MYO5B: variants seen among roughly 807,000 people sequenced by gnomAD.
The protein encoded by MYO5B is myosin VB.
MYO5B carries 143 observed loss-of-function variants against 229.3 expected under a neutral mutation model. The ratio of observed to expected loss-of-function variants is 0.62; its 90% confidence interval spans 0.54 to 0.72. The LOEUF is 0.72. Among genes scored for constraint, MYO5B ranks in the 30% least tolerant of loss-of-function variants. MYO5B has a pLI of 0.00. For missense variants in MYO5B, 2,321 were observed against 2,331.0 expected, an observed-to-expected ratio of 1.00 and a Z score of 0.09; for synonymous variants, 918 against 885.2, an observed-to-expected ratio of 1.04 and a Z score of -0.66.
intron 1 of MYO5B, among the ~76,000 whole-genome samples, chr18:50,055,793 G>C (rs1297804298): frequency 2.0e-5 from 3 of 152,194 alleles, no homozygotes; most frequent in Admixed American, 2.0e-4. Flanking sequence ...CAAAGCTTGG[G>C]AATCTCTGCT....
chr18:49,962,839 C>G, intron 11 of MYO5B, 110 bp downstream of exon 11: 1 of 931,726 alleles, frequency 1.1e-6, no homozygotes, highest in Non-Finnish European at 1.8e-6. Context: ...CAAGGGATAT[C>G]AGAACGTAGC....
At chr18:49,850,596 TCAGTGACCTAA>T (rs1022989761) in intron 31 of MYO5B, 1 of 152,200 alleles carries the variant, frequency 6.6e-6, no homozygotes, top group African/African-American at 2.4e-5. Context: ...AAAACCTTAT[TCAGTGACCTAA>T]GAGTGGCCTC....
At chr18:49,865,917 C>G (rs646199) in intron 27 of MYO5B, among the ~76,000 whole-genome samples, 5 of 151,904 alleles carry the variant, frequency 3.3e-5, no homozygotes, top group South Asian at 2.1e-4. Context: ...CCATACCTCA[C>G]TGGTCCCCCA....
At chr18:49,920,609 T>C (rs1424754060) in intron 17 of MYO5B, among the ~76,000 whole-genome samples, 1 of 152,082 alleles carries the variant, frequency 6.6e-6, no homozygotes, top group Non-Finnish European at 1.5e-5. Flanking sequence ...TGGCTCCGAG[T>C]TGGAGCTGAG....
rs546111548 is a variant in MYO5B at position 50,135,708 on chromosome 18, G to A, written c.27+59059C>T. Among the ~76,000 whole-genome samples the A allele has an allele frequency of 3.5e-3, 538 of 152,272 alleles. 1 individual carries two copies. The highest frequency in any genetic ancestry group is 6.6e-3 in the Non-Finnish European group (452 of 68,034). The stretch of plus-strand genomic sequence containing the variant: ...TAAAGACAATTGAGATTCCATGCAC[G>A]CTGTCTTACTATTGTAAAAGCAGGT... On this transcript the variant is annotated intron_variant, in intron 1 of 39. Transcript: ENST00000285039.
rs181832611 is a variant in MYO5B, at chr18:50,064,571, T to G, written c.28-9193A>C. Reference sequence around the variant, plus strand: ...AGTTTTCCAGAGCATACCACCTTCATTTTCAAAGCTCACTGACATAATCCA... The same window carrying G: ...AGTTTTCCAGAGCATACCACCTTCAGTTTCAAAGCTCACTGACATAATCCA... On this transcript the variant is annotated intron_variant, in intron 1 of 39. Coordinates refer to ENST00000285039, the MANE Select transcript of MYO5B (RefSeq NM_001080467.3). 2.2e-3 allele frequency: 332 copies of G among 152,334 alleles called. 1 individual carries two copies. Among genetic ancestry groups the G allele is most frequent in the African/African-American group, 7.6e-3 (316 of 41,584 alleles). 9.4% of individuals were successfully genotyped at this position (152,334 alleles called of 1,614,324 possible).
intron 1 of MYO5B, among the ~76,000 whole-genome samples, chr18:50,120,267 G>A (rs1000749478): frequency 6.6e-6 from 1 of 152,232 alleles, no homozygotes; most frequent in Admixed American, 6.5e-5. Flanking sequence ...TGTAAATGTG[G>A]AAGACTCAAG....
intron 10 of MYO5B, among the ~76,000 whole-genome samples, chr18:49,971,904 A>G (rs1460586102): frequency 6.6e-6 from 1 of 152,216 alleles, no homozygotes; most frequent in Non-Finnish European, 1.5e-5. Context: ...CTTTATAACA[A>G]AAAAAGTGAA....
At chr18:49,908,151 GA>G (rs368513415) in intron 18 of MYO5B, among the ~76,000 whole-genome samples, 2 of 151,690 alleles carry the variant, frequency 1.3e-5, no homozygotes, top group African/African-American at 2.4e-5. Context: ...CCCTATTTCG[GA>G]AAAAAAACAG....
intron 1 of MYO5B, among the ~76,000 whole-genome samples, chr18:50,136,999 C>G (rs965603100): frequency 6.6e-6 from 1 of 152,216 alleles, no homozygotes; most frequent in African/African-American, 2.4e-5. Context: ...AGATTAAACA[C>G]TTTACAAGGT....
At chr18:49,878,003 T>A in intron 24 of MYO5B, 121 bp from the exon 25 acceptor site, 1 of 1,226,054 alleles carries the variant, frequency 8.2e-7, no homozygotes, top group East Asian at 2.4e-5. Context: ...ATAGGTATCA[T>A]TGCTTCTTGG....
chr18:49,847,108 A>C, intron 33 of MYO5B, 38 bp downstream of exon 33: 1 of 1,612,048 alleles, frequency 6.2e-7, no homozygotes, highest in South Asian at 1.1e-5. Context: ...GGGCTGAAGG[A>C]GGGGCAGGCA....
intron 1 of MYO5B, among the ~76,000 whole-genome samples, chr18:50,138,414 T>TG (rs112801414): frequency 0.045 from 6,892 of 151,546 alleles, 489 homozygotes; most frequent in African/African-American, 0.16. Flanking sequence ...GTGCCCAATT[T>TG]GGGGGGGGTG....
chr18:50,045,271 C>T (rs2144400638), intron 2 of MYO5B, among the ~76,000 whole-genome samples: 1 of 152,274 alleles, frequency 6.6e-6, no homozygotes, highest in Admixed American at 6.5e-5. Flanking sequence ...GGGAACATGG[C>T]TTACAGATGA....
chr18:49,980,449 T>G lies in MYO5B; in HGVS notation c.1051A>C (p.Ile351Leu), dbSNP rs745598808. Reference sequence around the variant, plus strand: ...GGTGTTGGTGTGCAACTTACTGATATACTACAGGAATCACCATCACGCTCA... The same window carrying G: ...GGTGTTGGTGTGCAACTTACTGATAGACTACAGGAATCACCATCACGCTCA... ...QAERDGDSCSISPQDVYLSNF... is the reference protein window; with the variant it reads ...QAERDGDSCSLSPQDVYLSNF... The change falls in exon 9 of 40, where the codon ATA becomes CTA. Residue 351 changes from isoleucine to leucine, a missense_variant. Ile to Leu is a conservative substitution (Grantham distance 5, BLOSUM62 2). Around this residue, in one of 2 missense-constraint regions of MYO5B, gnomAD observed 2,113 missense variants for 2,044.7 expected, o/e 1.03. Transcript: ENST00000285039. 6.2e-7 allele frequency: 1 copy of G among 1,604,906 alleles called. No homozygotes were observed. The highest frequency in any genetic ancestry group is 1.3e-5 in the African/African-American group (1 of 74,700).
rs2024006804 is a variant in MYO5B at position 49,837,724 on chromosome 18, C to T, written c.4931G>A (p.Ser1644Asn). 6.2e-7 allele frequency: 1 copy of T among 1,614,092 alleles called. No homozygotes were observed. The highest frequency in any genetic ancestry group is 1.3e-5 in the African/African-American group (1 of 74,928). Residue 1644 changes from serine (S) to asparagine (N), a missense_variant, in exon 37 of 40, where the codon AGC becomes AAC. Coordinates refer to ENST00000285039, the MANE Select transcript of MYO5B (RefSeq NM_001080467.3). ...GTATGAGTTATCCCCATCTGCCATG[C>T]TGGAGGAGCGCTTCCGGTAGCCGGT... ...KPTGYRKRSS[S>N]MADGDNSYCL...
intron 25 of MYO5B, among the ~76,000 whole-genome samples, chr18:49,877,432 A>G (rs543591516): frequency 6.6e-5 from 10 of 152,356 alleles, no homozygotes; most frequent in African/African-American, 2.2e-4. Context: ...ATCTATTTTA[A>G]TGACTTAGCT....
intron 1 of MYO5B, chr18:50,063,943 C>G (rs923443613): frequency 2.0e-5 from 3 of 152,408 alleles, no homozygotes; most frequent in African/African-American, 7.2e-5. Context: ...AGGTGATGAA[C>G]TGACAAGATG....
chr18:50,138,417 G>A (rs749333949), intron 1 of MYO5B, among the ~76,000 whole-genome samples: 3 of 152,144 alleles, frequency 2.0e-5, no homozygotes, highest in Non-Finnish European at 4.4e-5. Context: ...CCCAATTTGG[G>A]GGGGGTGGCA....
Sources: gnomAD v4.1 joint callset for allele counts (sites outside exome capture counted in the v4.1 genomes callset) on GRCh38, gnomAD v4.1.1 for gene constraint, gnomAD v4.1.1 regional missense constraint, MANE v1.5 for transcripts, NCBI Gene and HGNC (gene_info 2026-07-23, HGNC 2026-07-21) for gene names.